The following TIMP2 variants were observed in gnomAD, a reference collection of about 807,000 sequenced individuals.
TIMP2 encodes TIMP metallopeptidase inhibitor 2.
In TIMP2, 5 loss-of-function variants were observed where a neutral mutation model predicts 24.3. That is an observed-to-expected ratio of 0.21 (90% CI 0.11 to 0.43). TIMP2 has a LOEUF of 0.43. TIMP2 is among the 20% of genes least tolerant of loss of function. The pLI, the probability that TIMP2 is intolerant of heterozygous loss-of-function variation, is 1.00. For synonymous variants in TIMP2, 130 were observed against 123.2 expected, an observed-to-expected ratio of 1.06 and a Z score of -0.37; for missense variants, 221 against 297.5, an observed-to-expected ratio of 0.74 and a Z score of 1.89.
chr17:78,901,402 C>T (rs1049211689), intron 1 of TIMP2: 12 of 256,324 alleles, frequency 4.7e-5, no homozygotes, highest in Non-Finnish European at 5.3e-5. Flanking sequence ...CAAATCTGAA[C>T]GAGGGAGAGG....
chr17:78,875,284 G>A (rs992036722), intron 1 of TIMP2, among the ~76,000 whole-genome samples: 1 of 152,152 alleles, frequency 6.6e-6, no homozygotes, highest in Non-Finnish European at 1.5e-5. Flanking sequence ...GCAGACCCAA[G>A]GGACAGATGC....
intron 1 of TIMP2, among the ~76,000 whole-genome samples, chr17:78,908,617 C>T (rs1440918622): frequency 6.6e-6 from 1 of 152,186 alleles, no homozygotes; most frequent in Non-Finnish European, 1.5e-5. Context: ...TCGGCTGCTC[C>T]CCATCCAAAC....
rs573682408 is a variant in TIMP2, at chr17:78,890,660, C to T, written c.131-16741G>A. On this transcript the variant is annotated intron_variant, in intron 1 of 4. Coordinates refer to ENST00000262768, the MANE Select transcript of TIMP2 (RefSeq NM_003255.5). Reference sequence around the variant, plus strand: ...CATTTAGCATATGTTCTGAAACTCCCGCAAGCATTTCCGGGCTTCTTCAAG... The same window carrying T: ...CATTTAGCATATGTTCTGAAACTCCTGCAAGCATTTCCGGGCTTCTTCAAG... 3.1e-5 allele frequency: 48 copies of T among 1,550,360 alleles called. 1 individual carries two copies. Among genetic ancestry groups the T allele is most frequent in the African/African-American group, 1.9e-4 (14 of 73,154 alleles).
At position 78,906,454 on chromosome 17, in the gene TIMP2, C is replaced by T. The variant is rs569967261; in HGVS notation, c.130+18505G>A. On this transcript the variant is annotated intron_variant, in intron 1 of 4. Coordinates refer to ENST00000262768, the MANE Select transcript of TIMP2 (RefSeq NM_003255.5). ...TGAAAATGCTAACAATCATCTCGACCTAGTGAGTCCAGTCTTTTTGCTGGT... is the reference window on the plus strand; with the variant it reads ...TGAAAATGCTAACAATCATCTCGACTTAGTGAGTCCAGTCTTTTTGCTGGT... Among the ~76,000 whole-genome samples, 269 of 152,276 alleles carry T rather than the reference C, an allele frequency of 1.8e-3. 2 individuals carry two copies. The highest frequency in any genetic ancestry group is 6.5e-3 in the African/African-American group (268 of 41,546).
intron 3 of TIMP2, among the ~76,000 whole-genome samples, chr17:78,866,790 C>T (rs1266203389): frequency 6.6e-6 from 1 of 152,026 alleles, no homozygotes; most frequent in Non-Finnish European, 1.5e-5. Context: ...CAGGGTCACA[C>T]GTATGATTCC....
intron 1 of TIMP2, among the ~76,000 whole-genome samples, chr17:78,885,010 G>A (rs898212917): frequency 2.6e-5 from 4 of 152,214 alleles, no homozygotes; most frequent in Admixed American, 2.0e-4. Context: ...AGGCCAGGAG[G>A]TGAACAGGTA....
chr17:78,862,403 T>C (rs1219343972), intron 3 of TIMP2, among the ~76,000 whole-genome samples: 2 of 152,238 alleles, frequency 1.3e-5, no homozygotes, highest in Non-Finnish European at 2.9e-5. Context: ...AGAAGTCAGA[T>C]GAGAGAGGTT....
rs1568011245 is a variant in TIMP2, at chr17:78,924,869, G to T, written c.130+90C>A. 1.1e-6 allele frequency: 1 copy of T among 875,318 alleles called. No individual in the cohort carries two copies. The allele number at this position is 875,318 out of a possible 1,614,324, so 54.2% of individuals were successfully genotyped here. A position where few individuals can be genotyped will look rare whatever the true frequency, so the allele number is the denominator to read the frequency against. The stretch of plus-strand genomic sequence containing the variant: ...AGGAGGCGGGCGCTGGGGTCCCTCG[G>T]CCAGCGGCGGGCGGGCGGGGCGTCT... On this transcript the variant is annotated intron_variant, in intron 1 of 4. Transcript: ENST00000262768. This position sits in a 1 kb window ranked among gnomAD's most constrained non-coding sequence, Gnocchi z 5.3.
chr17:78,867,161 TG>T (rs1352099727), intron 3 of TIMP2, among the ~76,000 whole-genome samples: 4 of 152,174 alleles, frequency 2.6e-5, no homozygotes, highest in African/African-American at 9.7e-5. Flanking sequence ...CTTGGGTGGC[TG>T]AGGCACGAGA....
Position 78,854,243 on chromosome 17 carries a change from C to T in TIMP2, c.*1424G>A, listed in dbSNP as rs1350089288. Reference sequence around the variant, plus strand: ...CCTGTATATCGTCAGTTTATCTTTACAACACAGGTGGGAGGAAACAAGAGA... The same window carrying T: ...CCTGTATATCGTCAGTTTATCTTTATAACACAGGTGGGAGGAAACAAGAGA... On this transcript the variant is annotated 3_prime_UTR_variant, in exon 5 of 5. Transcript: ENST00000262768. The T allele has an allele frequency of 6.6e-6, 1 of 151,916 alleles. No homozygotes were observed. 9.4% of individuals were successfully genotyped at this position (151,916 alleles called of 1,614,324 possible).
At chr17:78,922,434 T>A (rs1182765667) in intron 1 of TIMP2, 1 of 152,214 alleles carries the variant, frequency 6.6e-6, no homozygotes, top group African/African-American at 2.4e-5. Context: ...TATGACCTTA[T>A]TTGGAAATAG....
chr17:78,879,696 C>T (rs1276428957), intron 1 of TIMP2, among the ~76,000 whole-genome samples: 1 of 152,288 alleles, frequency 6.6e-6, no homozygotes, highest in East Asian at 1.9e-4. Flanking sequence ...TCCTTCTTTC[C>T]CTTCTGCTGT....
intron 3 of TIMP2, among the ~76,000 whole-genome samples, 168 bp downstream of exon 3, chr17:78,870,730 T>A (rs2069674161): frequency 6.6e-6 from 1 of 152,044 alleles, no homozygotes; most frequent in Admixed American, 6.6e-5. Context: ...GAACATTCAC[T>A]AGCATTCTCT....
chr17:78,907,767 T>A (rs760311051), intron 1 of TIMP2, among the ~76,000 whole-genome samples: 2 of 152,128 alleles, frequency 1.3e-5, no homozygotes, highest in Non-Finnish European at 2.9e-5. Context: ...GGTGCACCCA[T>A]GGAATTCATG....
chr17:78,908,572 G>A (rs2070180901), intron 1 of TIMP2, among the ~76,000 whole-genome samples: 1 of 152,114 alleles, frequency 6.6e-6, no homozygotes, highest in Non-Finnish European at 1.5e-5. Flanking sequence ...TGGATTCCTG[G>A]CACTGCCACT....
Position 78,896,067 on chromosome 17 carries a change from T to C in TIMP2, c.131-22148A>G, listed in dbSNP as rs2069994402. ...CTTAACACATTTGGGCAGAGATCTTTGGGATAAGTCTAGAAAATTGCAGCC... is the reference window on the plus strand; with the variant it reads ...CTTAACACATTTGGGCAGAGATCTTCGGGATAAGTCTAGAAAATTGCAGCC... On this transcript the variant is annotated intron_variant, in intron 1 of 4. Coordinates refer to ENST00000262768, the MANE Select transcript of TIMP2 (RefSeq NM_003255.5). This position sits in a 1 kb window ranked among gnomAD's most constrained non-coding sequence, Gnocchi z 4.4. 6.6e-6 allele frequency among the ~76,000 whole-genome samples: 1 copy of C among 152,198 alleles called. No homozygotes were observed. The highest frequency in any genetic ancestry group is 2.4e-5 in the African/African-American group (1 of 41,452).
chr17:78,893,208 T>C (rs1312133713), intron 1 of TIMP2, among the ~76,000 whole-genome samples: 3 of 130,394 alleles, frequency 2.3e-5, no homozygotes, highest in Non-Finnish European at 4.9e-5. Context: ...AGGATGTGTG[T>C]GCATGTGTGT....
intron 1 of TIMP2, among the ~76,000 whole-genome samples, chr17:78,922,953 A>G (rs1268266660): frequency 6.6e-6 from 1 of 152,144 alleles, no homozygotes; most frequent in Non-Finnish European, 1.5e-5. Context: ...CAGCCCCCAG[A>G]AGGAACTGGC....
chr17:78,869,548 C>T (rs1251024517), intron 3 of TIMP2, among the ~76,000 whole-genome samples: 3 of 152,022 alleles, frequency 2.0e-5, no homozygotes, highest in South Asian at 2.1e-4. Context: ...TGGTGGCTCA[C>T]GCCTGTAATC....
Sources: gnomAD v4.1 joint callset for allele counts (sites outside exome capture counted in the v4.1 genomes callset) on GRCh38, gnomAD v4.1.1 for gene constraint, Gnocchi (gnomAD v3.1) non-coding constraint, MANE v1.5 for transcripts, NCBI Gene and HGNC (gene_info 2026-07-23, HGNC 2026-07-21) for gene names.